Variants in NBPF12 observed in about 807,000 individuals in gnomAD.
The protein encoded by NBPF12 is NBPF family member NBPF12.
In NBPF12, 115 loss-of-function variants were observed where a neutral mutation model predicts 146.4. The ratio of observed to expected loss-of-function variants is 0.79; its 90% CI spans 0.68 to 0.92. The LOEUF (loss-of-function observed/expected upper bound fraction) is 0.92. Ranked by LOEUF, NBPF12 falls within the 40% of genes least tolerant of loss-of-function variation. NBPF12 has a pLI of 0.00. For synonymous variants in NBPF12, 385 were observed against 508.9 expected, an observed-to-expected ratio of 0.76 and a Z score of 3.28; for missense variants, 1,205 against 1,326.8, an observed-to-expected ratio of 0.91 and a Z score of 1.43.
upstream of NBPF12, among the ~76,000 whole-genome samples, chr1:146,948,014 T>C (rs1655147346): frequency 6.6e-6 from 1 of 152,074 alleles, no homozygotes; most frequent in Non-Finnish European, 1.5e-5. Context: ...TATTTTATTT[T>C]ATCTCTTTTT....
chr1:146,968,694 A>G (rs1656366236), intron 10 of NBPF12, 144 bp downstream of exon 13: 1 of 735,096 alleles, frequency 1.4e-6, no homozygotes, highest in Non-Finnish European at 2.4e-6. Flanking sequence ...ACAAATATTT[A>G]TCAAACAGAG....
intron 10 of NBPF12, among the ~76,000 whole-genome samples, chr1:146,969,005 A>G (rs1656389405): frequency 6.6e-6 from 1 of 151,326 alleles, no homozygotes; most frequent in Non-Finnish European, 1.5e-5. Flanking sequence ...ATCTGGCCTC[A>G]TTTCTGTACA....
chr1:146,964,512 T>G, intron 7 of NBPF12, 83 bp downstream of exon 10: 1 of 1,588,872 alleles, frequency 6.3e-7, no homozygotes, highest in South Asian at 1.1e-5. Flanking sequence ...GCATCTATGG[T>G]GGGCCAAAAG....
rs1283189283 is a variant in NBPF12, at chr1:146,970,693, G to C, written c.1353G>C (p.Glu451Asp). The change falls in exon 12 of 34, where the codon GAG (glutamate) becomes GAC (aspartate). Residue 451 changes from glutamate to aspartate, a missense_variant. Glu to Asp is a conservative substitution (Grantham distance 45). This residue lies in a region of NBPF12 where 278 missense variants were observed against 203.1 expected (regional missense o/e 1.37). Transcript: ENST00000617844. ...AAGATGTTCAAGTTGAGGAGGATGA[G>C]AAAGTGCTGGAATCATCTTCCCCCA... is the stretch of plus-strand genomic sequence containing the variant. The C allele has an allele frequency of 1.9e-5, 27 of 1,403,464 alleles. No individual in the cohort carries two copies. The South Asian group carries it at 3.0e-4, about 16-fold the overall frequency. The allele number at this position is 1,403,464 out of a possible 1,614,324, so 86.9% of individuals were successfully genotyped here.
At chr1:146,969,347 T>A in intron 10 of NBPF12, 35 bp from the exon 14 acceptor site, 1 of 789,366 alleles carries the variant, frequency 1.3e-6, no homozygotes, top group South Asian at 1.5e-5. Flanking sequence ...CTCAACCCTT[T>A]CCACTCTTAA....
chr1:146,950,289 G>A (rs1247860110), intron 1 of NBPF12, among the ~76,000 whole-genome samples: 14 of 151,880 alleles, frequency 9.2e-5, no homozygotes, highest in African/African-American at 3.4e-4. Context: ...AGGCTTCCGA[G>A]AGTGTCCATT....
chr1:146,961,864 G>T (rs1184173599), intron 4 of NBPF12, among the ~76,000 whole-genome samples: 1 of 152,050 alleles, frequency 6.6e-6, no homozygotes, highest in African/African-American at 2.4e-5. Context: ...AAGTGGCCCC[G>T]CATTCAGAGT....
rs1395928895 is a variant in NBPF12 at position 146,971,036 on chromosome 1, A to T, written c.1380-147A>T. 3 of 1,259,906 alleles carry T rather than the reference A, an allele frequency of 2.4e-6. No homozygotes were observed. In the African/African-American group the frequency reaches 4.5e-5, roughly 19 times the overall value. The allele number at this position is 1,259,906 out of a possible 1,614,324, so 78.0% of individuals were successfully genotyped here. A position where few individuals can be genotyped will look rare whatever the true frequency, so the allele number is the denominator to read the frequency against. On this transcript the variant is annotated intron_variant, in intron 12 of 33. Coordinates refer to ENST00000617844, the Ensembl canonical transcript of NBPF12. ...CATGCTCTGTTGCAGAGAGAAGAGG[A>T]TTGCCTGTTCCCTCTTAAAGGGAAC... is the stretch of plus-strand genomic sequence containing the variant.
chr1:146,967,821 C>T (rs1656303546), intron 9 of NBPF12, among the ~76,000 whole-genome samples: 1 of 150,988 alleles, frequency 6.6e-6, no homozygotes, highest in Non-Finnish European at 1.5e-5. Context: ...TTTATTGGCA[C>T]AGAGTAAACA....
chr1:146,971,115 A>G (rs1353021959), intron 12 of NBPF12, 68 bp from the exon 16 acceptor site: 2 of 1,605,992 alleles, frequency 1.2e-6, no homozygotes, highest in Non-Finnish European at 1.7e-6. Context: ...AAAACCAGCT[A>G]GGACTCCTTG....
At chr1:146,976,161 A>T (rs1656992788) in intron 16 of NBPF12, among the ~76,000 whole-genome samples, 1 of 150,464 alleles carries the variant, frequency 6.6e-6, no homozygotes, top group Non-Finnish European at 1.5e-5. Flanking sequence ...GACAGGAAGG[A>T]GGCTGCGATG....
chr1:146,953,082 G>A (rs1208732078), intron 2 of NBPF12, among the ~76,000 whole-genome samples: 10 of 149,020 alleles, frequency 6.7e-5, no homozygotes, highest in South Asian at 6.4e-4. Flanking sequence ...AGGTCATGGC[G>A]GGAGATGCTG....
intron 2 of NBPF12, among the ~76,000 whole-genome samples, chr1:146,954,505 A>G (rs1468828319): frequency 2.7e-5 from 4 of 148,994 alleles, no homozygotes; most frequent in African/African-American, 9.9e-5. Flanking sequence ...TAGTGGGGAG[A>G]TAAACCTTGT....
chr1:146,945,042 C>A (rs1376498223), upstream of NBPF12, among the ~76,000 whole-genome samples: 1 of 110,930 alleles, frequency 9.0e-6, no homozygotes, highest in Non-Finnish European at 1.9e-5. Flanking sequence ...CTCCCTCCCT[C>A]CCTGCCTTCC....
At chr1:146,956,561 G>A (rs1223061158) in intron 2 of NBPF12, among the ~76,000 whole-genome samples, 1 of 151,442 alleles carries the variant, frequency 6.6e-6, no homozygotes, top group Non-Finnish European at 1.5e-5. Context: ...TTAGCAGCTA[G>A]AAAATGAAAT....
chr1:146,970,780 A>C, intron 12 of NBPF12, 61 bp downstream of exon 15: 1 of 1,249,022 alleles, frequency 8.0e-7, no homozygotes, highest in Middle Eastern at 2.7e-4. Context: ...TCTAGGAGGC[A>C]TGCCCTCTCT....
intron 1 of NBPF12, among the ~76,000 whole-genome samples, chr1:146,941,277 G>GT (rs1342736994): frequency 6.6e-6 from 1 of 151,630 alleles, no homozygotes; most frequent in South Asian, 2.1e-4. Flanking sequence ...TAGACATGGG[G>GT]TTTTGCCATG....
chr1:146,994,635 G>A (rs1407060939), exon 34 of NBPF12: 20 of 1,585,162 alleles, frequency 1.3e-5, no homozygotes, highest in Admixed American at 1.8e-5. Context: ...GGCACCTGAA[G>A]ATTTGAATGA....
intron 2 of NBPF12, among the ~76,000 whole-genome samples, chr1:146,952,294 G>A (rs1655357967): frequency 2.0e-5 from 3 of 152,098 alleles, no homozygotes; most frequent in Non-Finnish European, 4.4e-5. Flanking sequence ...ACAGTGGCTG[G>A]TGCTGCCCCT....
Sources: allele counts gnomAD v4.1 joint callset (sites outside exome capture counted in the v4.1 genomes callset), GRCh38; gene constraint gnomAD v4.1.1; regional missense constraint gnomAD v4.1.1; transcripts MANE v1.5; gene names NCBI Gene and HGNC (gene_info 2026-07-23, HGNC 2026-07-21).